Variants in GRIN2B observed in about 807,000 individuals in gnomAD.
GRIN2B encodes glutamate receptor ionotropic, NMDA 2B.
A neutral mutation model predicts 114.5 loss-of-function variants in GRIN2B; 5 were observed. The ratio of observed to expected loss-of-function variants is 0.04; its 90% confidence interval spans 0.02 to 0.09. The LOEUF (loss-of-function observed/expected upper bound fraction) is 0.09, where lower values mean the gene tolerates loss of function less well. Ranked by LOEUF, GRIN2B falls within the 10% of genes least tolerant of loss-of-function variation. GRIN2B has a pLI of 1.00. For synonymous variants in GRIN2B, 787 were observed against 745.1 expected (o/e 1.06, Z -0.92); for missense variants, 1,108 against 1,943.5 (o/e 0.57, Z 8.08).
chr12:13,936,847 C>CAA (rs559462537), intron 2 of GRIN2B, among the ~76,000 whole-genome samples: 1 of 144,840 alleles, frequency 6.9e-6, no homozygotes, highest in Non-Finnish European at 1.5e-5. Flanking sequence ...CAGAAAATTA[C>CAA]AAAAAAAAGA....
At chr12:13,629,402 C>T (rs1949599213) in intron 5 of GRIN2B, among the ~76,000 whole-genome samples, 1 of 152,140 alleles carries the variant, frequency 6.6e-6, no homozygotes, top group African/African-American at 2.4e-5. Context: ...CAGATACTCT[C>T]CCTCTTGCCT....
intron 10 of GRIN2B, among the ~76,000 whole-genome samples, chr12:13,603,323 G>A (rs553374803): frequency 6.6e-6 from 1 of 152,282 alleles, no homozygotes; most frequent in Admixed American, 6.5e-5. Flanking sequence ...GTTAGGCTTT[G>A]ATTGATAAGG....
intron 4 of GRIN2B, among the ~76,000 whole-genome samples, chr12:13,695,514 A>G (rs941935571): frequency 1.3e-5 from 2 of 152,194 alleles, no homozygotes; most frequent in Admixed American, 1.3e-4. Context: ...GAAGAGAAGA[A>G]TGGAGAGTCC....
chr12:13,623,686 A>G (rs1283613498), intron 5 of GRIN2B, among the ~76,000 whole-genome samples: 2 of 152,138 alleles, frequency 1.3e-5, no homozygotes, highest in African/African-American at 4.8e-5. Flanking sequence ...GTATGATAGT[A>G]ACCCTTCATC....
intron 12 of GRIN2B, among the ~76,000 whole-genome samples, chr12:13,567,928 C>T (rs1806193): frequency 0.014 from 2,100 of 151,908 alleles, 28 homozygotes; most frequent in Middle Eastern, 0.027. Context: ...CATAATCAAA[C>T]GAGTGATTCA....
Position 13,551,162 on chromosome 12 carries a change from T to C in GRIN2B, c.*11621A>G, listed in dbSNP as rs1948407532. 1 of 152,092 alleles carries C rather than the reference T, an allele frequency of 6.6e-6. No individual in the cohort carries two copies. Among genetic ancestry groups the C allele is most frequent in the Non-Finnish European group, 1.5e-5 (1 of 68,004 alleles). The allele number at this position is 152,092 out of a possible 1,614,324, so 9.4% of individuals were successfully genotyped here. A position where few individuals can be genotyped will look rare whatever the true frequency, so the allele number is the denominator to read the frequency against. On this transcript the variant is annotated 3_prime_UTR_variant, in exon 14 of 14. Coordinates refer to ENST00000609686, the MANE Select transcript of GRIN2B (RefSeq NM_000834.5). ...GAGAACAGATAAATTATTGAATCCG[T>C]GAAGGCATTTATCCCTATTCCTTGA...
chr12:13,866,954 C>T (rs934114808), intron 2 of GRIN2B, among the ~76,000 whole-genome samples: 1 of 152,140 alleles, frequency 6.6e-6, no homozygotes, highest in African/African-American at 2.4e-5. Context: ...TGTTCTAAGA[C>T]CATGAACCAA....
In GRIN2B at chr12:13,573,227, G is replaced by A. The variant is rs1285570407; in HGVS notation, c.2011-1263C>T. 4.7e-5 allele frequency among the ~76,000 whole-genome samples: 7 copies of A among 149,248 alleles called. 1 individual carries two copies. Among genetic ancestry groups the A allele is most frequent in the Non-Finnish European group, 8.9e-5 (6 of 67,046 alleles). On this transcript the variant is annotated intron_variant, in intron 10 of 13. Coordinates refer to ENST00000609686, the MANE Select transcript of GRIN2B (RefSeq NM_000834.5). ...AGCACTTTGGGAGGCCGAGGCGGGC[G>A]GATCACGAGGTCAGGAGATCGAGAC...
intron 2 of GRIN2B, among the ~76,000 whole-genome samples, chr12:13,947,289 A>C (rs1284588174): frequency 2.0e-5 from 3 of 152,190 alleles, no homozygotes; most frequent in Non-Finnish European, 4.4e-5. Flanking sequence ...TGTCTACAAC[A>C]CCATTGATAG....
intron 2 of GRIN2B, among the ~76,000 whole-genome samples, chr12:13,923,750 T>C (rs1231603405): frequency 6.6e-6 from 1 of 152,140 alleles, no homozygotes; most frequent in East Asian, 1.9e-4. Flanking sequence ...AAGCTCCTTG[T>C]TTAAGGGCCA....
intron 5 of GRIN2B, among the ~76,000 whole-genome samples, chr12:13,666,074 C>T (rs1461710902): frequency 6.6e-6 from 1 of 152,144 alleles, no homozygotes; most frequent in Non-Finnish European, 1.5e-5. Context: ...GGAAAGGCAT[C>T]CACCAGAAGT....
intron 10 of GRIN2B, among the ~76,000 whole-genome samples, chr12:13,592,599 A>G (rs1949022673): frequency 6.6e-6 from 1 of 152,194 alleles, no homozygotes. Context: ...AAGGCCAGAA[A>G]TGGGTAATGA....
chr12:13,919,319 C>T (rs1866785719), intron 2 of GRIN2B, among the ~76,000 whole-genome samples: 1 of 152,144 alleles, frequency 6.6e-6, no homozygotes, highest in South Asian at 2.1e-4. Flanking sequence ...CCAAAAAAGT[C>T]AAGTTAGGGA....
chr12:13,849,544 A>G (rs1305536385), intron 3 of GRIN2B, among the ~76,000 whole-genome samples: 1 of 152,026 alleles, frequency 6.6e-6, no homozygotes, highest in Non-Finnish European at 1.5e-5. Flanking sequence ...AAGACTCTCT[A>G]TGACCTCCAT....
chr12:13,582,112 C>G (rs149308454), intron 10 of GRIN2B, among the ~76,000 whole-genome samples: 1 of 152,326 alleles, frequency 6.6e-6, no homozygotes, highest in East Asian at 1.9e-4. Flanking sequence ...AATCCTCCAT[C>G]TCAAAACATG....
intron 4 of GRIN2B, among the ~76,000 whole-genome samples, chr12:13,736,601 TA>T (rs980215513): frequency 2.0e-5 from 3 of 150,778 alleles, no homozygotes; most frequent in African/African-American, 2.4e-5. Context: ...TACTTTCAAA[TA>T]AAAAAAAAGC....
intron 4 of GRIN2B, among the ~76,000 whole-genome samples, chr12:13,752,990 C>G (rs1259804184): frequency 6.6e-6 from 1 of 152,194 alleles, no homozygotes; most frequent in Admixed American, 6.5e-5. Context: ...ATAATTTACA[C>G]CTCCAAGCCT....
chr12:13,754,158 C>T (rs1269383846), intron 3 of GRIN2B, among the ~76,000 whole-genome samples: 3 of 152,156 alleles, frequency 2.0e-5, no homozygotes. Flanking sequence ...CTATACTTGC[C>T]TTGTCTGAAA....
At chr12:13,843,563 G>A (rs1163263764) in intron 3 of GRIN2B, among the ~76,000 whole-genome samples, 1 of 152,068 alleles carries the variant, frequency 6.6e-6, no homozygotes, top group African/African-American at 2.4e-5. Flanking sequence ...TAGGAGCGTA[G>A]GTAAGCTACT....
Sources: allele counts gnomAD v4.1 joint callset (sites outside exome capture counted in the v4.1 genomes callset), GRCh38; gene constraint gnomAD v4.1.1; transcripts MANE v1.5; gene names NCBI Gene and HGNC (gene_info 2026-07-23, HGNC 2026-07-21).